KHDRBS2: variants seen among roughly 807,000 people sequenced by gnomAD.
KHDRBS2 encodes KH RNA binding domain containing, signal transduction associated 2, also known as KH domain-containing, RNA-binding, signal transduction-associated protein 2.
KHDRBS2 carries 26 observed loss-of-function variants against 44.3 expected under a neutral mutation model. That is an observed-to-expected ratio of 0.59 (90% CI 0.43 to 0.81). The LOEUF (loss-of-function observed/expected upper bound fraction) is 0.81, where lower values mean the gene tolerates loss of function less well. KHDRBS2 is among the 40% of genes least tolerant of loss of function. KHDRBS2 has a pLI of 0.00. For synonymous variants in KHDRBS2, 194 were observed against 151.1 expected, an observed-to-expected ratio of 1.28 and a Z score of -2.08; for missense variants, 476 against 433.1, an observed-to-expected ratio of 1.10 and a Z score of -0.88.
At chr6:62,134,569 C>A (rs547766081) in intron 2 of KHDRBS2, among the ~76,000 whole-genome samples, 1 of 152,228 alleles carries the variant, frequency 6.6e-6, no homozygotes, top group African/African-American at 2.4e-5. Context: ...GTCCAACAGA[C>A]CCTAGAATGG....
chr6:62,216,535 T>C (rs1278733536), intron 1 of KHDRBS2, among the ~76,000 whole-genome samples: 8 of 151,610 alleles, frequency 5.3e-5, no homozygotes, highest in Non-Finnish European at 1.0e-4. Context: ...CAGTATTTAA[T>C]ATATATTCAT....
intron 1 of KHDRBS2, among the ~76,000 whole-genome samples, chr6:62,189,794 AG>A (rs1334746198): frequency 1.3e-5 from 2 of 152,142 alleles, no homozygotes; most frequent in African/African-American, 2.4e-5. Context: ...TAAGTAGGTG[AG>A]GAGTAGCAAC....
chr6:61,725,370 A>T (rs1032560036), intron 7 of KHDRBS2, among the ~76,000 whole-genome samples: 1 of 152,184 alleles, frequency 6.6e-6, no homozygotes, highest in Non-Finnish European at 1.5e-5. Flanking sequence ...ACAACCTAAC[A>T]TCTCAACTAA....
the KHDRBS2 span, among the ~76,000 whole-genome samples, chr6:61,552,948 C>T: frequency 2.6e-5 from 4 of 151,902 alleles, no homozygotes; most frequent in Non-Finnish European, 4.4e-5. Flanking sequence ...AGGGTACTGG[C>T]CTGACCTGTT....
chr6:62,250,663 G>A (rs1246613617), intron 1 of KHDRBS2, among the ~76,000 whole-genome samples: 3 of 151,838 alleles, frequency 2.0e-5, no homozygotes, highest in Non-Finnish European at 4.4e-5. Flanking sequence ...AATCTTCTTA[G>A]TAAAGACTAG....
chr6:61,628,242 C>T, the KHDRBS2 span, among the ~76,000 whole-genome samples: 9,982 of 15,702 alleles, frequency 0.64, 3,354 homozygotes, highest in Middle Eastern at 0.75. Flanking sequence ...TTTTTTTTTT[C>T]AACCTGGGCT....
At chr6:61,988,248 A>T (rs1775442610) in intron 3 of KHDRBS2, among the ~76,000 whole-genome samples, 1 of 152,124 alleles carries the variant, frequency 6.6e-6, no homozygotes, top group Admixed American at 6.6e-5. Context: ...TGTTTAATCA[A>T]GGAAAAGAAG....
intron 3 of KHDRBS2, among the ~76,000 whole-genome samples, chr6:62,045,819 T>A (rs1349078798): frequency 1.3e-5 from 2 of 151,866 alleles, no homozygotes; most frequent in Admixed American, 6.6e-5. Flanking sequence ...TTACCAAGGA[T>A]TTATCTTTTA....
chr6:61,822,816 T>C (rs1462206059), intron 6 of KHDRBS2, among the ~76,000 whole-genome samples: 4 of 152,032 alleles, frequency 2.6e-5, no homozygotes, highest in Non-Finnish European at 5.9e-5. Flanking sequence ...CTCAACTAAA[T>C]ACTCTCTCAC....
chr6:61,683,069 G>A lies in KHDRBS2; in HGVS notation c.953-2009C>T, dbSNP rs535532257. 1.6e-3 allele frequency among the ~76,000 whole-genome samples: 239 copies of A among 151,726 alleles called. 1 individual carries two copies. The highest frequency in any genetic ancestry group is 5.4e-3 in the African/African-American group (223 of 41,430). On this transcript the variant is annotated intron_variant, in intron 8 of 8. Transcript: ENST00000281156. ...TATTCCAGAGTGTTAGAAATCCCTG[G>A]GTTTCACTCTACAGGATTTAAGAGC...
rs549397816 is a variant in KHDRBS2, at chr6:62,059,146, G to T, written c.220-11152C>A. Among the ~76,000 whole-genome samples, 21 of 133,956 alleles carry T rather than the reference G, an allele frequency of 1.6e-4. No homozygotes were observed. In the South Asian group the frequency reaches 5.2e-3, roughly 33 times the overall value. 87.9% of individuals were successfully genotyped at this position (133,956 alleles called of 152,430 possible). ...GCCATAGAAGCAGTACAGATTAAGT[G>T]CTATAGAATTCAAAGGAAGAAAAAA... On this transcript the variant is annotated intron_variant, in intron 2 of 8. Coordinates refer to ENST00000281156, the MANE Select transcript of KHDRBS2 (RefSeq NM_152688.4).
intron 4 of KHDRBS2, among the ~76,000 whole-genome samples, chr6:61,975,680 C>CACACACACACACAGAG (rs148696826): frequency 6.7e-6 from 1 of 149,744 alleles, no homozygotes; most frequent in African/African-American, 2.5e-5. Context: ...CACACACACA[C>CACACACACACACAGAG]AGAGAGATAT....
At chr6:62,117,282 G>A (rs1204988879) in intron 2 of KHDRBS2, among the ~76,000 whole-genome samples, 2 of 151,536 alleles carry the variant, frequency 1.3e-5, no homozygotes, top group Admixed American at 6.6e-5. Context: ...TTGTCTTTTT[G>A]ATAGTGGCTA....
chr6:62,216,995 C>A (rs1830113357), intron 1 of KHDRBS2, among the ~76,000 whole-genome samples: 1 of 141,182 alleles, frequency 7.1e-6, no homozygotes. Flanking sequence ...GCCTGAGAGT[C>A]TTTATATCTT....
chr6:61,878,614 G>A (rs1179696878), intron 6 of KHDRBS2, among the ~76,000 whole-genome samples: 5 of 152,114 alleles, frequency 3.3e-5, no homozygotes, highest in Middle Eastern at 3.4e-3. Context: ...TTCTCTGGAC[G>A]TAAGCTTTCA....
At chr6:61,937,289 C>T (rs1811203458) in intron 4 of KHDRBS2, among the ~76,000 whole-genome samples, 2 of 151,786 alleles carry the variant, frequency 1.3e-5, no homozygotes, top group Middle Eastern at 3.4e-3. Flanking sequence ...TTTTATTATA[C>T]TGTCCTGTCT....
intron 2 of KHDRBS2, among the ~76,000 whole-genome samples, chr6:62,102,375 T>A (rs1157524384): frequency 6.6e-6 from 1 of 152,132 alleles, no homozygotes; most frequent in African/African-American, 2.4e-5. Context: ...GCAAGTGGCT[T>A]CCACTGCAGG....
At position 62,122,859 on chromosome 6, in the gene KHDRBS2, T is replaced by C. The variant is rs138681267; in HGVS notation, c.219+54326A>G. Among the ~76,000 whole-genome samples, 96 of 149,226 alleles carry C rather than the reference T, an allele frequency of 6.4e-4. 8 individuals carry two copies. The highest frequency in any genetic ancestry group is 1.1e-3 in the Non-Finnish European group (76 of 67,464). ...ACTGTAATTTTCTTTTAAAAAGGTTTTATTTTTTCAATTTATTTTATTTTA... is the reference window on the plus strand; with the variant it reads ...ACTGTAATTTTCTTTTAAAAAGGTTCTATTTTTTCAATTTATTTTATTTTA... On this transcript the variant is annotated intron_variant, in intron 2 of 8. Coordinates refer to ENST00000281156, the MANE Select transcript of KHDRBS2 (RefSeq NM_152688.4).
the KHDRBS2 span, among the ~76,000 whole-genome samples, chr6:61,590,708 G>A: frequency 1.3e-5 from 2 of 152,058 alleles, no homozygotes; most frequent in Non-Finnish European, 2.9e-5. Flanking sequence ...CAGTCTATAA[G>A]CCAAACTACT....
Sources: gnomAD v4.1 joint callset for allele counts (sites outside exome capture counted in the v4.1 genomes callset) on GRCh38, gnomAD v4.1.1 for gene constraint, MANE v1.5 for transcripts, NCBI Gene and HGNC (gene_info 2026-07-23, HGNC 2026-07-21) for gene names.